Variants in PTPRR observed in about 807,000 individuals in gnomAD.
PTPRR encodes protein tyrosine phosphatase receptor type R.
A neutral mutation model predicts 77.2 loss-of-function variants in PTPRR; 38 were observed. The ratio of observed to expected loss-of-function variants is 0.49; its 90% CI spans 0.38 to 0.65. The LOEUF is 0.65. PTPRR is among the 30% of genes least tolerant of loss of function. The pLI is 0.00. For missense variants in PTPRR, 744 were observed against 799.2 expected, an observed-to-expected ratio of 0.93 and a Z score of 0.83; for synonymous variants, 299 against 283.1, an observed-to-expected ratio of 1.06 and a Z score of -0.57.
At chr12:70,650,991 T>A (rs1358298982) in intron 13 of PTPRR, among the ~76,000 whole-genome samples, 1 of 152,242 alleles carries the variant, frequency 6.6e-6, no homozygotes, top group Non-Finnish European at 1.5e-5. Context: ...TATTTGATAC[T>A]TTTTAATCAA....
At chr12:70,850,705 C>T (rs561923705) in intron 2 of PTPRR, among the ~76,000 whole-genome samples, 2 of 152,288 alleles carry the variant, frequency 1.3e-5, no homozygotes, top group African/African-American at 2.4e-5. Context: ...CTGTGCCTCT[C>T]GACGCTTTTG....
chr12:70,916,065 T>C (rs1427485695), intron 1 of PTPRR, among the ~76,000 whole-genome samples: 3 of 151,866 alleles, frequency 2.0e-5, no homozygotes, highest in Admixed American at 6.6e-5. Flanking sequence ...AAAAGTAAAA[T>C]ATATTGTATG....
At chr12:70,733,470 C>CAAAAAAAAAAAAAAA (rs1193950231) in intron 6 of PTPRR, among the ~76,000 whole-genome samples, 3 of 74,080 alleles carry the variant, frequency 4.0e-5, no homozygotes, top group East Asian at 2.4e-4. Context: ...AAAATTATGG[C>CAAAAAAAAAAAAAAA]AAAAAAAAAA....
intron 13 of PTPRR, among the ~76,000 whole-genome samples, chr12:70,649,262 T>C (rs1367817709): frequency 3.3e-5 from 5 of 152,192 alleles, no homozygotes; most frequent in Admixed American, 6.6e-5. Flanking sequence ...TCTTGACTGA[T>C]CGGTCATGAA....
rs1359344214 is a variant in PTPRR at position 70,656,752 on chromosome 12, T to C, written c.1832A>G (p.Glu611Gly). 5.0e-6 allele frequency: 8 copies of C among 1,613,892 alleles called. No individual in the cohort carries two copies. The highest frequency in any genetic ancestry group is 4.2e-6 in the Non-Finnish European group (5 of 1,179,970). The part of the protein sequence containing the change: ...TSIGCQQLKE[E>G]GVVDALSIVC... ...AATGCTTAGTGCATCCACAACTCCT[T>C]CTTCTTTCAGCTGTTGACAGCCAAT... The change falls in exon 13 of 14, where the codon GAA (glutamate) becomes GGA (glycine). Residue 611 changes from glutamate to glycine, a missense_variant. Physicochemically the swap from Glu to Gly is moderately conservative, Grantham distance 98 (BLOSUM62 -2). Coordinates refer to ENST00000283228, the MANE Select transcript of PTPRR (RefSeq NM_002849.4).
intron 10 of PTPRR, among the ~76,000 whole-genome samples, chr12:70,671,309 G>C (rs1887213395): frequency 6.6e-6 from 1 of 152,076 alleles, no homozygotes; most frequent in East Asian, 1.9e-4. Flanking sequence ...ATTTTAAAGA[G>C]TAATGAATAA....
At chr12:70,781,574 CT>C (rs1891203673) in intron 2 of PTPRR, among the ~76,000 whole-genome samples, 2 of 152,116 alleles carry the variant, frequency 1.3e-5, no homozygotes, top group Admixed American at 1.3e-4. Flanking sequence ...CAACTGCAGA[CT>C]TTTTTATGCC....
chr12:70,919,673 GTTTTTTTTTTTTTTTTTTTT>G (rs58439089), intron 1 of PTPRR, among the ~76,000 whole-genome samples: 2 of 110,084 alleles, frequency 1.8e-5, no homozygotes, highest in Non-Finnish European at 1.9e-5. Context: ...AACTGTAATT[GTTTTTTTTTTTTTTTTTTTT>G]TTTTTTTTTT....
intron 13 of PTPRR, among the ~76,000 whole-genome samples, chr12:70,642,336 T>C (rs1455419990): frequency 6.6e-6 from 1 of 152,244 alleles, no homozygotes. Context: ...TTCTTGTTAA[T>C]TTCAACTTGT....
chr12:70,804,182 G>C (rs1007589629), intron 2 of PTPRR, among the ~76,000 whole-genome samples: 35 of 47,030 alleles, frequency 7.4e-4, no homozygotes, highest in African/African-American at 1.3e-3. Flanking sequence ...TGTGTGTTAA[G>C]GTTAACTTTA....
At chr12:70,808,890 C>T (rs916214696) in intron 2 of PTPRR, among the ~76,000 whole-genome samples, 2 of 152,162 alleles carry the variant, frequency 1.3e-5, no homozygotes, top group African/African-American at 4.8e-5. Flanking sequence ...AACCTAAGTG[C>T]TACTTCCATG....
chr12:70,655,741 G>A (rs1886551415), intron 13 of PTPRR, among the ~76,000 whole-genome samples: 2 of 152,328 alleles, frequency 1.3e-5, no homozygotes, highest in South Asian at 4.1e-4. Context: ...GTTGGGCTGA[G>A]AGAGGAATGG....
At chr12:70,798,551 G>T (rs2137017356) in intron 2 of PTPRR, among the ~76,000 whole-genome samples, 1 of 152,242 alleles carries the variant, frequency 6.6e-6, no homozygotes, top group Non-Finnish European at 1.5e-5. Flanking sequence ...TCACTTCACT[G>T]GCCTTGTCTT....
intron 2 of PTPRR, among the ~76,000 whole-genome samples, chr12:70,845,065 G>T (rs561459359): frequency 6.6e-6 from 1 of 152,306 alleles, no homozygotes; most frequent in South Asian, 2.1e-4. Context: ...CTTTGAACTG[G>T]ACATGGAAAA....
In PTPRR at chr12:70,661,245, G is replaced by A. The variant is rs1028383404; in HGVS notation, c.1609-148C>T. 28 of 978,344 alleles carry A rather than the reference G, an allele frequency of 2.9e-5. No individual in the cohort carries two copies. In the East Asian group the frequency reaches 3.1e-4, roughly 11 times the overall value. The allele number at this position is 978,344 out of a possible 1,614,324, so 60.6% of individuals were successfully genotyped here. ...AAAATTTAGAAGATTTTTGAAGAGT[G>A]CCCTTTTACTTTGAGAAGACTTTAC... On this transcript the variant is annotated intron_variant, in intron 11 of 13. Coordinates refer to ENST00000283228, the MANE Select transcript of PTPRR (RefSeq NM_002849.4).
chr12:70,820,906 A>G (rs2458443), intron 2 of PTPRR, among the ~76,000 whole-genome samples: 30,941 of 152,114 alleles, frequency 0.2, 5,021 homozygotes, highest in African/African-American at 0.45. Context: ...CTTGCTGGGT[A>G]TAAGTCCTCA....
chr12:70,819,724 TACAGAG>T, intron 2 of PTPRR, among the ~76,000 whole-genome samples: 1 of 152,192 alleles, frequency 6.6e-6, no homozygotes. Flanking sequence ...AGGAACAGAA[TACAGAG>T]ACTCAGAAAG....
intron 1 of PTPRR, among the ~76,000 whole-genome samples, chr12:70,894,763 T>C (rs757262169): frequency 6.6e-6 from 1 of 151,732 alleles, no homozygotes; most frequent in African/African-American, 2.4e-5. Flanking sequence ...AATGAGAGTT[T>C]CATTTCCAAA....
chr12:70,920,402 T>G lies in PTPRR; in HGVS notation c.-12A>C. The G allele has an allele frequency of 1.9e-6, 3 of 1,612,014 alleles. No homozygotes were observed. The highest frequency in any genetic ancestry group is 2.5e-6 in the Non-Finnish European group (3 of 1,179,252). The stretch of plus-strand genomic sequence containing the variant: ...ACTGCTCTCCGCATAGTGTTTGCAT[T>G]GAGAGGTGGAGGAGAAACTCCACCA... On this transcript the variant is annotated 5_prime_UTR_variant, in exon 1 of 14. Transcript: ENST00000283228.
Sources: allele counts gnomAD v4.1 joint callset (sites outside exome capture counted in the v4.1 genomes callset), GRCh38; gene constraint gnomAD v4.1.1; transcripts MANE v1.5; gene names NCBI Gene and HGNC (gene_info 2026-07-23, HGNC 2026-07-21).